Variants in VASH2 observed in about 807,000 individuals in gnomAD.
The protein encoded by VASH2 is vasohibin 2.
In VASH2, 28 loss-of-function variants were observed where a neutral mutation model predicts 37.2. That is an observed-to-expected ratio of 0.75 (90% CI 0.56 to 1.03). The LOEUF is 1.03. Among genes scored for constraint, VASH2 ranks in the 50% least tolerant of loss-of-function variants. The pLI, the probability that VASH2 is intolerant of heterozygous loss-of-function variation, is 0.00. For synonymous variants in VASH2, 188 were observed against 174.7 expected (o/e 1.08, Z -0.60); for missense variants, 419 against 459.1 (o/e 0.91, Z 0.80).
intron 3 of VASH2, 56 bp from the exon 4 acceptor site, chr1:212,965,666 A>C: frequency 6.8e-7 from 1 of 1,461,602 alleles, no homozygotes; most frequent in Non-Finnish European, 9.4e-7. Flanking sequence ...TTTCTCTGCC[A>C]CATTACTGGG....
intron 7 of VASH2, among the ~76,000 whole-genome samples, chr1:212,983,113 A>G (rs1667383129): frequency 6.6e-6 from 1 of 152,254 alleles, no homozygotes; most frequent in Non-Finnish European, 1.5e-5. Flanking sequence ...AATTTGATTG[A>G]TAAGTACGTA....
chr1:212,956,356 C>A (rs1455796584), intron 2 of VASH2, among the ~76,000 whole-genome samples: 1 of 152,168 alleles, frequency 6.6e-6, no homozygotes. Flanking sequence ...TTCTGGGGCC[C>A]CCACCCCTAG....
At chr1:212,985,736 C>T (rs1667459311) in intron 7 of VASH2, among the ~76,000 whole-genome samples, 1 of 152,094 alleles carries the variant, frequency 6.6e-6, no homozygotes, top group Non-Finnish European at 1.5e-5. Context: ...ATCTTGAGGT[C>T]CCCACTCCAG....
intron 2 of VASH2, among the ~76,000 whole-genome samples, chr1:212,956,827 A>G (rs538792991): frequency 6.6e-6 from 1 of 152,214 alleles, no homozygotes; most frequent in African/African-American, 2.4e-5. Context: ...TCTTTTGTGA[A>G]TTGTCTTTTC....
At position 212,951,497 on chromosome 1, in the gene VASH2, C is replaced by G. The variant is rs1417388047; in HGVS notation, c.-46C>G. 8.4e-7 allele frequency: 1 copy of G among 1,195,914 alleles called. No individual in the cohort carries two copies. The highest frequency in any genetic ancestry group is 1.0e-6 in the Non-Finnish European group (1 of 963,318). 74.1% of individuals were successfully genotyped at this position (1,195,914 alleles called of 1,614,324 possible). A position where few individuals can be genotyped will look rare whatever the true frequency, so the allele number is the denominator to read the frequency against. ...CGCCCCCCGCCGCCGCCGCCGCTGCCGCCGCCGCGCGCCCCCAGTACCTCG... is the reference window on the plus strand; with the variant it reads ...CGCCCCCCGCCGCCGCCGCCGCTGCGGCCGCCGCGCGCCCCCAGTACCTCG... On this transcript the variant is annotated 5_prime_UTR_variant, in exon 2 of 8. Transcript: ENST00000517399. The surrounding 1 kb of genome is among the most constrained non-coding windows in gnomAD (Gnocchi z 4.4).
chr1:212,990,267 A>C lies in VASH2; in HGVS notation c.*1683A>C, dbSNP rs956442012. On this transcript the variant is annotated 3_prime_UTR_variant, in exon 8 of 8. Transcript: ENST00000517399. ...ACAAGACCAAGTATACATCTCCATTAGATTAAAATGTAGCACAGGGTTAAA... is the reference window on the plus strand; with the variant it reads ...ACAAGACCAAGTATACATCTCCATTCGATTAAAATGTAGCACAGGGTTAAA... 1 of 152,230 alleles carries C rather than the reference A, an allele frequency of 6.6e-6. No individual in the cohort carries two copies. Among genetic ancestry groups the C allele is most frequent in the Non-Finnish European group, 1.5e-5 (1 of 68,038 alleles). 9.4% of individuals were successfully genotyped at this position (152,230 alleles called of 1,614,324 possible). A position where few individuals can be genotyped will look rare whatever the true frequency, so the allele number is the denominator to read the frequency against.
intron 7 of VASH2, among the ~76,000 whole-genome samples, chr1:212,983,109 A>C (rs922256288): frequency 6.6e-6 from 1 of 152,186 alleles, no homozygotes; most frequent in Non-Finnish European, 1.5e-5. Context: ...TGAGAATTTG[A>C]TTGATAAGTA....
Position 212,951,893 on chromosome 1 carries a change from A to G in VASH2, c.276+75A>G. ...GATGGGACCGTTTCAGCCTATACAT[A>G]GCAAACACAGGCAATCTCCATTTTC... On this transcript the variant is annotated intron_variant, in intron 2 of 7. Transcript: ENST00000517399. The surrounding 1 kb of genome is among the most constrained non-coding windows in gnomAD (Gnocchi z 4.4). 1 of 1,469,062 alleles carries G rather than the reference A, an allele frequency of 6.8e-7. No homozygotes were observed. Among genetic ancestry groups the G allele is most frequent in the Non-Finnish European group, 9.1e-7 (1 of 1,096,024 alleles). 91.0% of individuals were successfully genotyped at this position (1,469,062 alleles called of 1,614,324 possible). A position where few individuals can be genotyped will look rare whatever the true frequency, so the allele number is the denominator to read the frequency against.
At chr1:212,967,060 T>C in intron 5 of VASH2, 1 of 1,295,156 alleles carries the variant, frequency 7.7e-7, no homozygotes, top group Non-Finnish European at 1.0e-6. Context: ...GGGAAAATTC[T>C]AAGAGTGGCG....
chr1:212,966,338 C>T lies in VASH2; in HGVS notation c.490C>T (p.Leu164=). The change falls in exon 5 of 8, where the codon CTG becomes TTG. Residue 164 remains leucine, a synonymous_variant. Transcript: ENST00000517399. The stretch of plus-strand genomic sequence containing the variant: ...TATCAAATGCCTTGAAGCTGTCATC[C>T]TGGGCATGTATCCTTTAAGTTATGT... ...LPIKCLEAVI[L]GIYLTNGQPS... is the part of the protein sequence containing the mutation. 3 of 1,551,648 alleles carry T rather than the reference C, an allele frequency of 1.9e-6. No homozygotes were observed. The highest frequency in any genetic ancestry group is 2.6e-6 in the Non-Finnish European group (3 of 1,146,942).
At chr1:212,983,507 G>A (rs914759182) in intron 7 of VASH2, among the ~76,000 whole-genome samples, 1 of 152,042 alleles carries the variant, frequency 6.6e-6, no homozygotes, top group African/African-American at 2.4e-5. Context: ...ATTCATGAGG[G>A]TGATGCCCCC....
intron 7 of VASH2, among the ~76,000 whole-genome samples, chr1:212,985,899 G>A (rs911860625): frequency 2.0e-5 from 3 of 152,182 alleles, no homozygotes; most frequent in African/African-American, 4.8e-5. Context: ...GAGGCCATGC[G>A]TGGGTACAGG....
Position 212,988,742 on chromosome 1 carries a change from C to G in VASH2, c.*158C>G, listed in dbSNP as rs2075824519. 1.2e-6 allele frequency: 1 copy of G among 807,154 alleles called. No individual in the cohort carries two copies. Among genetic ancestry groups the G allele is most frequent in the Non-Finnish European group, 2.0e-6 (1 of 509,204 alleles). 50.0% of individuals were successfully genotyped at this position (807,154 alleles called of 1,614,324 possible). Reference sequence around the variant, plus strand: ...AATCTGAGTGGGTGGTAACCATTAGCTTTAAAAAATTCACTAAAAGGCACC... The same window carrying G: ...AATCTGAGTGGGTGGTAACCATTAGGTTTAAAAAATTCACTAAAAGGCACC... On this transcript the variant is annotated 3_prime_UTR_variant, in exon 8 of 8. Coordinates refer to ENST00000517399, the MANE Select transcript of VASH2 (RefSeq NM_001301056.2).
chr1:212,976,575 A>AAG (rs1180111460), intron 7 of VASH2, among the ~76,000 whole-genome samples: 2 of 151,710 alleles, frequency 1.3e-5, no homozygotes, highest in Non-Finnish European at 2.9e-5. Flanking sequence ...CTGTAAAAAA[A>AAG]AAAAATGGTG....
At chr1:212,959,915 G>T (rs1027405806) in intron 2 of VASH2, among the ~76,000 whole-genome samples, 1 of 152,242 alleles carries the variant, frequency 6.6e-6, no homozygotes, top group Non-Finnish European at 1.5e-5. Context: ...GGCTTAGCCT[G>T]GAGGAGCCTC....
chr1:212,982,212 G>A lies in VASH2; in HGVS notation c.996-6300G>A, dbSNP rs182763237. 9.1e-4 allele frequency among the ~76,000 whole-genome samples: 138 copies of A among 152,252 alleles called. 1 individual carries two copies. The highest frequency in any genetic ancestry group is 3.1e-3 in the African/African-American group (129 of 41,562). On this transcript the variant is annotated intron_variant, in intron 7 of 7. Transcript: ENST00000517399. ...CCTAGTTCACTCTGAGTCCATTTAC[G>A]TCACAACAGGTGAGGCTGGGACTGT...
At chr1:212,977,358 T>C (rs536988675) in intron 7 of VASH2, among the ~76,000 whole-genome samples, 7 of 152,292 alleles carry the variant, frequency 4.6e-5, no homozygotes, top group South Asian at 4.1e-4. Context: ...GTAAACTCTA[T>C]AGAGTTCTCC....
Position 212,951,652 on chromosome 1 carries a change from G to A in VASH2, c.110G>A (p.Gly37Asp), listed in dbSNP as rs924925445. ...ARPVSLATSG[G>D]SEEEDKDGGV... ...CCCGTGAGCCTCGCCACCAGCGGGG[G>A]CTCAGAGGAGGAGGACAAAGACGGC... The change falls in exon 2 of 8, where the codon GGC becomes GAC. Residue 37 changes from glycine (G) to aspartate (D), a missense_variant. By Grantham distance (94) the Gly-to-Asp change is moderately conservative (BLOSUM62 -1). Transcript: ENST00000517399. The surrounding 1 kb of genome is among the most constrained non-coding windows in gnomAD (Gnocchi z 4.4). 18 of 1,587,382 alleles carry A rather than the reference G, an allele frequency of 1.1e-5. No individual in the cohort carries two copies. In the Admixed American group the frequency reaches 1.6e-4, roughly 14 times the overall value.
At chr1:212,965,580 C>A in intron 3 of VASH2, 142 bp from the exon 4 acceptor site, 1 of 676,172 alleles carries the variant, frequency 1.5e-6, no homozygotes, top group Middle Eastern at 2.5e-4. Flanking sequence ...GAGGCTACTA[C>A]TAGCTACCTT....
Sources: gnomAD v4.1 joint callset for allele counts (sites outside exome capture counted in the v4.1 genomes callset) on GRCh38, gnomAD v4.1.1 for gene constraint, Gnocchi (gnomAD v3.1) non-coding constraint, MANE v1.5 for transcripts, NCBI Gene and HGNC (gene_info 2026-07-23, HGNC 2026-07-21) for gene names.